The following EFNA5 variants were observed in gnomAD, a reference collection of about 807,000 sequenced individuals.
The protein encoded by EFNA5 is ephrin-A5.
A neutral mutation model predicts 22.9 loss-of-function variants in EFNA5; 5 were observed. That is an observed-to-expected ratio of 0.22 (90% CI 0.11 to 0.46). The LOEUF (loss-of-function observed/expected upper bound fraction) is 0.46. Among genes scored for constraint, EFNA5 ranks in the 20% least tolerant of loss-of-function variants. The pLI is 0.99. For missense variants in EFNA5, 237 were observed against 293.3 expected (o/e 0.81, Z 1.40); for synonymous variants, 113 against 112.2 (o/e 1.01, Z -0.04).
rs78103600 is a variant in EFNA5 at position 107,416,783 on chromosome 5, A to C, written c.418+10434T>G. ...CTAAGCAATATACTAAAAGTAAAAA[A>C]TTTGCCTGTTCACATTTTTAGCCTC... On this transcript the variant is annotated intron_variant, in intron 2 of 4. Transcript: ENST00000333274. Among the ~76,000 whole-genome samples the C allele has an allele frequency of 9.5e-4, 145 of 152,286 alleles. 1 individual carries two copies. Among genetic ancestry groups the C allele is most frequent in the African/African-American group, 3.3e-3 (136 of 41,568 alleles).
chr5:107,471,752 T>C (rs922483111), intron 1 of EFNA5, among the ~76,000 whole-genome samples: 3 of 152,224 alleles, frequency 2.0e-5, no homozygotes, highest in African/African-American at 7.2e-5. Flanking sequence ...GCTGAAAAGA[T>C]GTATTTGGTG....
intron 2 of EFNA5, among the ~76,000 whole-genome samples, chr5:107,399,315 A>AAATGGAAAGGAAAGG (rs1561369505): frequency 1.5e-5 from 1 of 67,566 alleles, no homozygotes; most frequent in Non-Finnish European, 2.9e-5. Context: ...GGAAGGAAGG[A>AAATGGAAAGGAAAGG]AACGGAAAGG....
intron 1 of EFNA5, among the ~76,000 whole-genome samples, chr5:107,501,732 T>C (rs971033279): frequency 6.6e-6 from 1 of 152,258 alleles, no homozygotes; most frequent in Non-Finnish European, 1.5e-5. Context: ...AGCCTCACTT[T>C]GTTGAAGCAG....
In EFNA5 at chr5:107,622,889, C is replaced by T. The variant is rs562030495; in HGVS notation, c.125+47600G>A. Among the ~76,000 whole-genome samples the T allele has an allele frequency of 4.6e-5, 7 of 151,104 alleles. No individual in the cohort carries two copies. The East Asian group carries it at 5.9e-4, about 13-fold the overall frequency. On this transcript the variant is annotated intron_variant, in intron 1 of 4. Transcript: ENST00000333274. ...ACAAAAAATTAGCCGGGCGCGGTGGCGGGCGCCTGTAGTCCCAGCTACTCG... is the reference window on the plus strand; with the variant it reads ...ACAAAAAATTAGCCGGGCGCGGTGGTGGGCGCCTGTAGTCCCAGCTACTCG...
chr5:107,412,733 CT>C, intron 2 of EFNA5, among the ~76,000 whole-genome samples: 1 of 152,146 alleles, frequency 6.6e-6, no homozygotes, highest in East Asian at 1.9e-4. Flanking sequence ...AGTGAGTAGA[CT>C]GATTATTTCT....
chr5:107,383,056 C>T (rs1484549448), intron 4 of EFNA5, among the ~76,000 whole-genome samples: 4 of 152,192 alleles, frequency 2.6e-5, no homozygotes, highest in Admixed American at 2.6e-4. Flanking sequence ...CTGACCCCTG[C>T]TTCAGATATG....
intron 1 of EFNA5, among the ~76,000 whole-genome samples, chr5:107,544,324 C>A (rs1748106714): frequency 6.6e-6 from 1 of 152,124 alleles, no homozygotes; most frequent in African/African-American, 2.4e-5. Context: ...GAAAATCTCT[C>A]AACGCGTAGT....
intron 1 of EFNA5, among the ~76,000 whole-genome samples, chr5:107,634,212 AT>A (rs1048891538): frequency 6.6e-6 from 1 of 152,000 alleles, no homozygotes; most frequent in South Asian, 2.1e-4. Flanking sequence ...TTAGTATCCT[AT>A]TTTTTTAATT....
intron 2 of EFNA5, among the ~76,000 whole-genome samples, chr5:107,422,885 G>A (rs1748709471): frequency 1.3e-5 from 2 of 152,116 alleles, no homozygotes; most frequent in African/African-American, 4.8e-5. Context: ...ATGATGACTT[G>A]GACAGAGCAG....
intron 1 of EFNA5, among the ~76,000 whole-genome samples, chr5:107,550,936 A>C (rs1245742482): frequency 6.6e-6 from 1 of 152,250 alleles, no homozygotes; most frequent in Non-Finnish European, 1.5e-5. Context: ...GCTTTAGTAT[A>C]CAAATATCAC....
chr5:107,639,409 G>A (rs551577248), intron 1 of EFNA5, among the ~76,000 whole-genome samples: 2 of 152,142 alleles, frequency 1.3e-5, no homozygotes, highest in African/African-American at 4.8e-5. Flanking sequence ...CTTACTAAAG[G>A]TGTAACTTTC....
chr5:107,531,749 T>C (rs1194429137), intron 1 of EFNA5, among the ~76,000 whole-genome samples: 2 of 152,216 alleles, frequency 1.3e-5, no homozygotes. Flanking sequence ...CTCCTTGCCT[T>C]TTCAATAAAG....
rs565358196 is a variant in EFNA5, at chr5:107,582,669, T to C, written c.125+87820A>G. ...AGCTAATGTTTAAATGTTATTTTTA[T>C]TTTCATCAAGCCCCAAAAGTAAATG... On this transcript the variant is annotated intron_variant, in intron 1 of 4. Transcript: ENST00000333274. 3.9e-5 allele frequency among the ~76,000 whole-genome samples: 6 copies of C among 152,230 alleles called. No individual in the cohort carries two copies. The East Asian group carries it at 5.8e-4, about 15-fold the overall frequency.
At chr5:107,537,809 A>C (rs1468460619) in intron 1 of EFNA5, among the ~76,000 whole-genome samples, 2 of 152,190 alleles carry the variant, frequency 1.3e-5, no homozygotes, top group African/African-American at 2.4e-5. Flanking sequence ...ACATCACGCT[A>C]ATTACTGTGC....
intron 2 of EFNA5, 142 bp downstream of exon 2, chr5:107,427,075 T>C (rs1329732404): frequency 1.2e-6 from 1 of 858,278 alleles, no homozygotes; most frequent in Non-Finnish European, 1.8e-6. Context: ...AGCTAATGTA[T>C]CTAGGGATCC....
intron 4 of EFNA5, among the ~76,000 whole-genome samples, chr5:107,382,448 C>T (rs1025931130): frequency 5.3e-5 from 8 of 152,172 alleles, no homozygotes; most frequent in Non-Finnish European, 1.0e-4. Flanking sequence ...TCATAGCTCA[C>T]TATAGTCTTG....
At chr5:107,481,546 T>C (rs1473930457) in intron 1 of EFNA5, among the ~76,000 whole-genome samples, 1 of 152,110 alleles carries the variant, frequency 6.6e-6, no homozygotes, top group Non-Finnish European at 1.5e-5. Context: ...GAACAATAAA[T>C]GCAGGAAAAG....
chr5:107,542,155 G>T (rs1416255143), intron 1 of EFNA5, among the ~76,000 whole-genome samples: 1 of 151,982 alleles, frequency 6.6e-6, no homozygotes, highest in Non-Finnish European at 1.5e-5. Flanking sequence ...ACTTTCAGGG[G>T]GAAAATAATA....
chr5:107,638,046 G>T (rs1323851836), intron 1 of EFNA5, among the ~76,000 whole-genome samples: 1 of 151,400 alleles, frequency 6.6e-6, no homozygotes, highest in Admixed American at 6.6e-5. Flanking sequence ...GTAGAGACGG[G>T]GTTTCACCAT....
Sources: allele counts gnomAD v4.1 joint callset (sites outside exome capture counted in the v4.1 genomes callset), GRCh38; gene constraint gnomAD v4.1.1; transcripts MANE v1.5; gene names NCBI Gene and HGNC (gene_info 2026-07-23, HGNC 2026-07-21).